The following RNF220 variants were observed in gnomAD, a reference collection of about 807,000 sequenced individuals.
RNF220 encodes the protein ring finger protein 220, also known as E3 ubiquitin-protein ligase RNF220.
In RNF220, 7 loss-of-function variants were observed where a neutral mutation model predicts 67.1. The observed-to-expected ratio is 0.10, with a 90% CI of 0.06 to 0.20. The LOEUF is 0.20. RNF220 is among the 10% of genes least tolerant of loss of function. RNF220 has a pLI of 1.00. For missense variants in RNF220, 565 were observed against 740.3 expected, an observed-to-expected ratio of 0.76 and a Z score of 2.75; for synonymous variants, 270 against 283.2, an observed-to-expected ratio of 0.95 and a Z score of 0.47.
At chr1:44,612,301 G>A (rs1573042276) in intron 2 of RNF220, among the ~76,000 whole-genome samples, 1 of 152,272 alleles carries the variant, frequency 6.6e-6, no homozygotes, top group East Asian at 1.9e-4. Flanking sequence ...GGCTATGCCA[G>A]ACCTGATATA....
chr1:44,534,594 T>C (rs1456065426), intron 2 of RNF220, among the ~76,000 whole-genome samples: 1 of 152,250 alleles, frequency 6.6e-6, no homozygotes, highest in African/African-American at 2.4e-5. Flanking sequence ...GAGATGTTAA[T>C]GGCCTTTCAG....
chr1:44,423,422 A>G (rs1034947885), intron 2 of RNF220, among the ~76,000 whole-genome samples: 3 of 152,206 alleles, frequency 2.0e-5, no homozygotes, highest in African/African-American at 4.8e-5. Context: ...GAGAATATCC[A>G]TTTGGTGCTT....
chr1:44,430,684 A>G (rs1355563018), intron 2 of RNF220, among the ~76,000 whole-genome samples: 1 of 152,142 alleles, frequency 6.6e-6, no homozygotes, highest in Non-Finnish European at 1.5e-5. Context: ...AGCTGGGATT[A>G]TAGGCGCCTG....
chr1:44,633,177 C>A (rs1361770474), intron 6 of RNF220, among the ~76,000 whole-genome samples: 7 of 152,190 alleles, frequency 4.6e-5, no homozygotes, highest in Non-Finnish European at 1.0e-4. Context: ...GAGCCCTAGT[C>A]TGGAAAAGGG....
Position 44,650,545 on chromosome 1 carries a change from G to A in RNF220, c.1630-159G>A. On this transcript the variant is annotated intron_variant, in intron 14 of 14. Transcript: ENST00000361799. This position sits in a 1 kb window ranked among gnomAD's most constrained non-coding sequence, Gnocchi z 4.3. ...GTCCCCCCAACACAGGAGCGTGCCT[G>A]CCTGCTCACAGAAGCTGCCTATGCG... is the stretch of plus-strand genomic sequence containing the variant. 2.8e-6 allele frequency: 2 copies of A among 705,824 alleles called. No homozygotes were observed. The highest frequency in any genetic ancestry group is 4.9e-6 in the Non-Finnish European group (2 of 410,312). 43.7% of individuals were successfully genotyped at this position (705,824 alleles called of 1,614,324 possible).
At chr1:44,585,656 AAGC>A (rs1269562142) in intron 2 of RNF220, among the ~76,000 whole-genome samples, 1 of 152,182 alleles carries the variant, frequency 6.6e-6, no homozygotes, top group East Asian at 1.9e-4. Context: ...AAACAGAACA[AAGC>A]AGAGACCACG....
chr1:44,464,270 C>T (rs1330933094), intron 2 of RNF220, among the ~76,000 whole-genome samples: 1 of 152,200 alleles, frequency 6.6e-6, no homozygotes, highest in Non-Finnish European at 1.5e-5. Flanking sequence ...GGGCCTGACT[C>T]TAAGCTGTGG....
chr1:44,591,177 T>C (rs942463535), intron 2 of RNF220, among the ~76,000 whole-genome samples: 1 of 152,194 alleles, frequency 6.6e-6, no homozygotes, highest in Non-Finnish European at 1.5e-5. Context: ...GGTCTCGAAC[T>C]CCTGACCTCA....
intron 6 of RNF220, chr1:44,632,675 G>A (rs1644198457): frequency 9.2e-6 from 5 of 543,204 alleles, no homozygotes; most frequent in Non-Finnish European, 1.7e-5. Flanking sequence ...AATTCTACTC[G>A]GGAGCTCAGC....
At chr1:44,538,176 T>C (rs1234193304) in intron 2 of RNF220, among the ~76,000 whole-genome samples, 1 of 152,224 alleles carries the variant, frequency 6.6e-6, no homozygotes, top group African/African-American at 2.4e-5. Flanking sequence ...AGGACAAATC[T>C]GGTCATATGT....
intron 2 of RNF220, among the ~76,000 whole-genome samples, chr1:44,562,910 C>T (rs1463018131): frequency 6.6e-6 from 1 of 152,198 alleles, no homozygotes; most frequent in Non-Finnish European, 1.5e-5. Flanking sequence ...TATCCAATGC[C>T]ATCACAAATG....
In RNF220 at chr1:44,417,451, GGC is replaced by G. The variant is rs1648656981; in HGVS notation, c.625+4730_625+4731del. 6.6e-6 allele frequency among the ~76,000 whole-genome samples: 1 copy of G among 152,248 alleles called. No individual in the cohort carries two copies. The highest frequency in any genetic ancestry group is 2.1e-4 in the South Asian group (1 of 4,834). ...TGATGGCTGCAGAGCCATCTGGCCT[GGC>G]TTGGCTTGGCTCGGCGCGCCGCTCG... On this transcript the variant is annotated intron_variant, in intron 2 of 14. Coordinates refer to ENST00000361799, the MANE Select transcript of RNF220 (RefSeq NM_018150.4). The surrounding 1 kb of genome is among the most constrained non-coding windows in gnomAD (Gnocchi z 4.0).
At chr1:44,635,845 G>A in intron 7 of RNF220, 185 bp from the exon 8 acceptor site, 2 of 1,317,486 alleles carry the variant, frequency 1.5e-6, no homozygotes, top group Non-Finnish European at 2.1e-6. Flanking sequence ...TTGGGCTCCA[G>A]CGGAAAACTA....
intron 2 of RNF220, among the ~76,000 whole-genome samples, chr1:44,513,729 AT>A (rs972777097): frequency 1.8e-4 from 28 of 151,768 alleles, no homozygotes; most frequent in African/African-American, 6.1e-4. Flanking sequence ...TTTGGATTTC[AT>A]TTTTTTTCTT....
At chr1:44,584,002 G>T (rs1665507069) in intron 2 of RNF220, among the ~76,000 whole-genome samples, 1 of 152,182 alleles carries the variant, frequency 6.6e-6, no homozygotes, top group South Asian at 2.1e-4. Flanking sequence ...TCCTTTACAT[G>T]CATTCTCTCA....
intron 6 of RNF220, 133 bp from the exon 7 acceptor site, chr1:44,635,412 A>T: frequency 7.3e-7 from 1 of 1,364,552 alleles, no homozygotes; most frequent in East Asian, 2.4e-5. Flanking sequence ...TTTCAAGATG[A>T]GGGCCAGATC....
chr1:44,552,056 G>T (rs1247124419), intron 2 of RNF220, among the ~76,000 whole-genome samples: 2 of 152,236 alleles, frequency 1.3e-5, no homozygotes, highest in Admixed American at 6.5e-5. Context: ...ACCGTGGACA[G>T]CAGGCTACTG....
At chr1:44,593,567 A>G (rs559857177) in intron 2 of RNF220, among the ~76,000 whole-genome samples, 3 of 152,084 alleles carry the variant, frequency 2.0e-5, no homozygotes, top group Admixed American at 6.5e-5. Context: ...TCTACAAAAA[A>G]TAAAAACTAC....
At chr1:44,430,808 G>A (rs1289198383) in intron 2 of RNF220, among the ~76,000 whole-genome samples, 1 of 152,202 alleles carries the variant, frequency 6.6e-6, no homozygotes, top group Non-Finnish European at 1.5e-5. Flanking sequence ...GCCTCCCAAA[G>A]TGCTGGGATT....
Sources: gnomAD v4.1 joint callset for allele counts (sites outside exome capture counted in the v4.1 genomes callset) on GRCh38, gnomAD v4.1.1 for gene constraint, Gnocchi (gnomAD v3.1) non-coding constraint, MANE v1.5 for transcripts, NCBI Gene and HGNC (gene_info 2026-07-23, HGNC 2026-07-21) for gene names.